The following GNAQ variants were observed in gnomAD, a reference collection of about 807,000 sequenced individuals.
GNAQ encodes guanine nucleotide-binding protein G(q) subunit alpha.
In GNAQ, 8 loss-of-function variants were observed where a neutral mutation model predicts 43.9. That is an observed-to-expected ratio of 0.18 (90% CI 0.11 to 0.33). The LOEUF (loss-of-function observed/expected upper bound fraction) is 0.33. Among genes scored for constraint, GNAQ ranks in the 10% least tolerant of loss-of-function variants. GNAQ has a pLI of 1.00. For synonymous variants in GNAQ, 155 were observed against 170.7 expected, an observed-to-expected ratio of 0.91 and a Z score of 0.71; for missense variants, 158 against 450.8, an observed-to-expected ratio of 0.35 and a Z score of 5.88.
intron 2 of GNAQ, among the ~76,000 whole-genome samples, chr9:77,895,651 T>C (rs1828488050): frequency 6.6e-6 from 1 of 152,090 alleles, no homozygotes; most frequent in Admixed American, 6.6e-5. Flanking sequence ...GACTGGAAAA[T>C]GGCAAACAGA....
intron 1 of GNAQ, among the ~76,000 whole-genome samples, chr9:78,004,111 C>T (rs1823676910): frequency 6.6e-6 from 1 of 151,698 alleles, no homozygotes; most frequent in Non-Finnish European, 1.5e-5. Flanking sequence ...CACCTCGCTG[C>T]CTGAGGACTT....
chr9:77,935,364 A>C (rs988843314), intron 1 of GNAQ, among the ~76,000 whole-genome samples: 2 of 152,178 alleles, frequency 1.3e-5, no homozygotes, highest in African/African-American at 2.4e-5. Context: ...TCATTTCCAA[A>C]TGGCTATTTG....
intron 2 of GNAQ, among the ~76,000 whole-genome samples, chr9:77,921,189 C>T (rs1828991098): frequency 6.6e-6 from 1 of 152,184 alleles, no homozygotes; most frequent in African/African-American, 2.4e-5. Context: ...AAGACTGCAT[C>T]CATGGGGGAT....
At chr9:77,795,284 T>A (rs1386327704) in intron 4 of GNAQ, among the ~76,000 whole-genome samples, 1 of 152,180 alleles carries the variant, frequency 6.6e-6, no homozygotes, top group Non-Finnish European at 1.5e-5. Flanking sequence ...CATTTGTTTT[T>A]AACACATCAA....
At chr9:78,013,710 C>G (rs1823803002) in intron 1 of GNAQ, among the ~76,000 whole-genome samples, 1 of 152,060 alleles carries the variant, frequency 6.6e-6, no homozygotes, top group South Asian at 2.1e-4. Flanking sequence ...TTAATACACG[C>G]AAATAAAATA....
intron 2 of GNAQ, among the ~76,000 whole-genome samples, chr9:77,820,087 CAAAA>C (rs3083136): frequency 3.0e-4 from 31 of 104,962 alleles, no homozygotes; most frequent in Non-Finnish European, 4.4e-4. Context: ...ATTTAAAATG[CAAAA>C]AAAAAAAAAA....
chr9:77,753,427 C>A (rs1280222600), intron 5 of GNAQ, among the ~76,000 whole-genome samples: 1 of 152,184 alleles, frequency 6.6e-6, no homozygotes, highest in Non-Finnish European at 1.5e-5. Flanking sequence ...ATAAACAGTC[C>A]TTTTGTGAAG....
intron 2 of GNAQ, among the ~76,000 whole-genome samples, chr9:77,823,957 T>A (rs1362546840): frequency 1.3e-5 from 2 of 152,142 alleles, no homozygotes; most frequent in Non-Finnish European, 2.9e-5. Context: ...ATTAAAAAAT[T>A]TTTCAAAATA....
At chr9:78,008,124 G>A (rs2118572083) in intron 1 of GNAQ, among the ~76,000 whole-genome samples, 1 of 152,322 alleles carries the variant, frequency 6.6e-6, no homozygotes, top group Non-Finnish European at 1.5e-5. Context: ...TCACAATAAG[G>A]TGAGACTCAA....
chr9:77,967,280 C>T (rs1302098990), intron 1 of GNAQ, among the ~76,000 whole-genome samples: 2 of 152,162 alleles, frequency 1.3e-5, no homozygotes, highest in African/African-American at 4.8e-5. Context: ...TCGGTCAGAT[C>T]CAACTGTGGC....
chr9:77,795,793 C>G (rs1212446060), intron 4 of GNAQ, among the ~76,000 whole-genome samples: 2 of 152,208 alleles, frequency 1.3e-5, no homozygotes, highest in Non-Finnish European at 2.9e-5. Context: ...CCATGAAACT[C>G]TGTCACACTG....
intron 3 of GNAQ, among the ~76,000 whole-genome samples, chr9:77,810,204 AATCATCTATCT>A (rs1376410597): frequency 7.0e-5 from 10 of 142,904 alleles, no homozygotes; most frequent in African/African-American, 2.6e-4. Context: ...AAAAACTGTC[AATCATCTATCT>A]ATCTATCTAT....
At chr9:77,768,588 GTTAACT>G (rs1010991911) in intron 5 of GNAQ, among the ~76,000 whole-genome samples, 24 of 152,194 alleles carry the variant, frequency 1.6e-4, no homozygotes, top group African/African-American at 5.5e-4. Flanking sequence ...CAATGGACTG[GTTAACT>G]TTAACGGCAA....
At position 77,728,500 on chromosome 9, in the gene GNAQ, G is replaced by A. The variant is rs1424756395; in HGVS notation, c.889+14C>T. 1.3e-6 allele frequency: 2 copies of A among 1,583,440 alleles called. No homozygotes were observed. The highest frequency in any genetic ancestry group is 1.7e-5 in the Admixed American group (1 of 59,968). ...ATTCACAGCTACTGAGCTGTGGTAT[G>A]AGTGCTGACTTACCATCATATTCTG... is the stretch of plus-strand genomic sequence containing the variant. On this transcript the variant is annotated intron_variant, in intron 6 of 6. Transcript: ENST00000286548.
At chr9:77,976,990 C>T (rs1347789098) in intron 1 of GNAQ, among the ~76,000 whole-genome samples, 1 of 152,190 alleles carries the variant, frequency 6.6e-6, no homozygotes, top group Non-Finnish European at 1.5e-5. Flanking sequence ...ACTATATTAA[C>T]AGCAAATCAA....
intron 1 of GNAQ, among the ~76,000 whole-genome samples, chr9:77,924,616 AT>A (rs1293246878): frequency 6.6e-6 from 1 of 152,152 alleles, no homozygotes; most frequent in East Asian, 1.9e-4. Context: ...TTTAAATGAA[AT>A]CACGTTGGGC....
At chr9:77,756,923 CTCTGTT>C (rs776758232) in intron 5 of GNAQ, among the ~76,000 whole-genome samples, 18 of 152,188 alleles carry the variant, frequency 1.2e-4, no homozygotes, top group Non-Finnish European at 2.4e-4. Context: ...CTAATAAGCA[CTCTGTT>C]TCTTCAGGTT....
chr9:77,789,106 T>C (rs559702673), intron 5 of GNAQ, among the ~76,000 whole-genome samples: 20 of 152,230 alleles, frequency 1.3e-4, no homozygotes, highest in African/African-American at 4.8e-4. Flanking sequence ...AGGTACACAA[T>C]TGTATGGTTC....
chr9:77,847,953 G>A (rs947932685), intron 2 of GNAQ, among the ~76,000 whole-genome samples: 9 of 152,150 alleles, frequency 5.9e-5, no homozygotes, highest in Admixed American at 5.2e-4. Context: ...TTAAGTATCT[G>A]TCCATTTCAG....
Sources: allele counts gnomAD v4.1 joint callset (sites outside exome capture counted in the v4.1 genomes callset), GRCh38; gene constraint gnomAD v4.1.1; transcripts MANE v1.5; gene names NCBI Gene and HGNC (gene_info 2026-07-23, HGNC 2026-07-21).